Variants in CACNB4 observed in about 807,000 individuals in gnomAD.
CACNB4 encodes the protein voltage-dependent L-type calcium channel subunit beta-4.
CACNB4 carries 32 observed loss-of-function variants against 71.2 expected under a neutral mutation model. The ratio of observed to expected loss-of-function variants is 0.45; its 90% CI spans 0.34 to 0.60. The LOEUF (loss-of-function observed/expected upper bound fraction) is 0.60. CACNB4 is among the 20% of genes least tolerant of loss of function. CACNB4 has a pLI of 0.01. For synonymous variants in CACNB4, 231 were observed against 236.9 expected (o/e 0.97, Z 0.23); for missense variants, 464 against 647.9 (o/e 0.72, Z 3.08).
At chr2:151,899,635 G>A (rs1003377234) in intron 2 of CACNB4, among the ~76,000 whole-genome samples, 4 of 152,146 alleles carry the variant, frequency 2.6e-5, no homozygotes, top group African/African-American at 9.7e-5. Flanking sequence ...TCAGGTGGTC[G>A]TATGTGAACC....
chr2:151,888,220 C>T (rs1252418711), intron 2 of CACNB4, among the ~76,000 whole-genome samples: 1 of 151,994 alleles, frequency 6.6e-6, no homozygotes, highest in African/African-American at 2.4e-5. Flanking sequence ...TTAGGCAAAT[C>T]GTAAAATTAC....
At chr2:151,957,542 G>C (rs1394681257) in intron 2 of CACNB4, among the ~76,000 whole-genome samples, 3 of 152,122 alleles carry the variant, frequency 2.0e-5, no homozygotes, top group African/African-American at 7.2e-5. Context: ...CAAATAAGTG[G>C]ACAAGAAGCT....
Position 151,839,045 on chromosome 2 carries a change from G to C in CACNB4, c.*74C>G, listed in dbSNP as rs576819293. ...GTAAATACTGTGCTATGTTAGCCAA[G>C]TTAAGATGATTGGTTTATCCTAGCA... is the stretch of plus-strand genomic sequence containing the variant. On this transcript the variant is annotated 3_prime_UTR_variant, in exon 14 of 14. Transcript: ENST00000539935. 7.3e-7 allele frequency: 1 copy of C among 1,360,896 alleles called. No homozygotes were observed. The highest frequency in any genetic ancestry group is 2.3e-5 in the East Asian group (1 of 43,266). The allele number at this position is 1,360,896 out of a possible 1,614,324, so 84.3% of individuals were successfully genotyped here. A position where few individuals can be genotyped will look rare whatever the true frequency, so the allele number is the denominator to read the frequency against.
intron 4 of CACNB4, among the ~76,000 whole-genome samples, chr2:151,878,666 T>C (rs2099847088): frequency 7.0e-6 from 1 of 142,986 alleles, no homozygotes; most frequent in Admixed American, 7.1e-5. Flanking sequence ...TAGTGTAGTG[T>C]ACTACACAAT....
chr2:152,097,528 G>C (rs1454634661), intron 2 of CACNB4, among the ~76,000 whole-genome samples: 1 of 152,150 alleles, frequency 6.6e-6, no homozygotes, highest in Non-Finnish European at 1.5e-5. Context: ...GCACCCAGCA[G>C]CCAGGGGTGG....
At chr2:152,069,562 TG>T (rs1423168979) in intron 2 of CACNB4, among the ~76,000 whole-genome samples, 1 of 149,250 alleles carries the variant, frequency 6.7e-6, no homozygotes, top group Non-Finnish European at 1.5e-5. Flanking sequence ...CCCTCCACAC[TG>T]GGTCTTTTAT....
At chr2:152,096,641 T>A (rs1031022051) in intron 2 of CACNB4, among the ~76,000 whole-genome samples, 3 of 152,212 alleles carry the variant, frequency 2.0e-5, no homozygotes, top group Non-Finnish European at 4.4e-5. Context: ...AAATCTACTT[T>A]GCTTTAAATT....
chr2:151,905,348 A>C (rs545993360), intron 2 of CACNB4, among the ~76,000 whole-genome samples: 1 of 152,328 alleles, frequency 6.6e-6, no homozygotes, highest in South Asian at 2.1e-4. Flanking sequence ...TGCAAAATAC[A>C]TATTGCTTCC....
intron 2 of CACNB4, among the ~76,000 whole-genome samples, chr2:151,939,517 G>A (rs1250357992): frequency 6.6e-6 from 1 of 152,086 alleles, no homozygotes; most frequent in East Asian, 1.9e-4. Context: ...TAAAAGAAAA[G>A]GTCTGGAAGT....
intron 2 of CACNB4, among the ~76,000 whole-genome samples, chr2:152,087,177 A>G (rs1315730635): frequency 6.6e-6 from 1 of 152,040 alleles, no homozygotes; most frequent in Non-Finnish European, 1.5e-5. Flanking sequence ...TCATGCCTAT[A>G]ATCCCAGCAC....
intron 2 of CACNB4, among the ~76,000 whole-genome samples, chr2:151,982,632 CAAAA>C (rs1227164462): frequency 3.1e-5 from 2 of 63,994 alleles, no homozygotes; most frequent in Non-Finnish European, 3.5e-5. Context: ...GACTCCGTCT[CAAAA>C]AAAAAAAAAA....
chr2:151,904,352 G>A (rs2099854233), intron 2 of CACNB4, among the ~76,000 whole-genome samples: 2 of 152,136 alleles, frequency 1.3e-5, no homozygotes, highest in Admixed American at 1.3e-4. Flanking sequence ...TGACAATTGA[G>A]TAATTTACAA....
Position 152,019,254 on chromosome 2 carries a change from A to C in CACNB4, c.147+79076T>G, listed in dbSNP as rs1053187902. Among the ~76,000 whole-genome samples, 4 of 152,198 alleles carry C rather than the reference A, an allele frequency of 2.6e-5. No individual in the cohort carries two copies. In the East Asian group the frequency reaches 7.7e-4, roughly 29 times the overall value. ...TGCCTTCAGTAAAATTGGATGATAG[A>C]AGTTATTTCAGATCATTTCTGATTA... On this transcript the variant is annotated intron_variant, in intron 2 of 13. Transcript: ENST00000539935.
At chr2:151,887,982 T>A (rs1198167064) in intron 2 of CACNB4, among the ~76,000 whole-genome samples, 3 of 151,806 alleles carry the variant, frequency 2.0e-5, no homozygotes, top group African/African-American at 7.2e-5. Flanking sequence ...AGGTATAACT[T>A]ACATATGTAA....
At chr2:152,075,320 A>T (rs1686949618) in intron 2 of CACNB4, among the ~76,000 whole-genome samples, 1 of 152,154 alleles carries the variant, frequency 6.6e-6, no homozygotes, top group South Asian at 2.1e-4. Flanking sequence ...TTAAGTCACA[A>T]CCAAGTCCTT....
intron 2 of CACNB4, among the ~76,000 whole-genome samples, chr2:151,933,142 G>T (rs2099862038): frequency 6.6e-6 from 1 of 150,548 alleles, no homozygotes; most frequent in Admixed American, 6.6e-5. Context: ...TATTAGGCTG[G>T]TGCAAAAGTA....
intron 2 of CACNB4, among the ~76,000 whole-genome samples, chr2:151,940,756 T>C (rs1560034973): frequency 6.6e-6 from 1 of 152,204 alleles, no homozygotes; most frequent in Non-Finnish European, 1.5e-5. Flanking sequence ...TGGGCAAACA[T>C]ACCTTTGCCA....
chr2:152,029,351 A>G (rs538146599), intron 2 of CACNB4, among the ~76,000 whole-genome samples: 58 of 151,934 alleles, frequency 3.8e-4, no homozygotes, highest in African/African-American at 1.3e-3. Flanking sequence ...AAAATTAGCC[A>G]GGTGTGGTGT....
rs1313029881 is a variant in CACNB4, at chr2:151,839,223, GAGGGTAA to G, written c.1452_1458del (p.Tyr485LeufsTer59). On this transcript the variant is annotated frameshift_variant, in exon 14 of 14. Coordinates refer to ENST00000539935, the MANE Select transcript of CACNB4 (RefSeq NM_000726.5). LOFTEE classifies it high-confidence loss of function. ...GAGTCAGGGTAATCTTCTTCCACAA[GAGGGTAA>G]TGATCTCGGCTATGCTGAGAACTGG... 1 of 1,613,596 alleles carries G rather than the reference GAGGGTAA, an allele frequency of 6.2e-7. No homozygotes were observed. Among genetic ancestry groups the G allele is most frequent in the African/African-American group, 1.3e-5 (1 of 74,914 alleles).
Sources: gnomAD v4.1 joint callset for allele counts (sites outside exome capture counted in the v4.1 genomes callset) on GRCh38, gnomAD v4.1.1 for gene constraint, MANE v1.5 for transcripts, NCBI Gene and HGNC (gene_info 2026-07-23, HGNC 2026-07-21) for gene names.